Variants in SLCO5A1 observed in about 807,000 individuals in gnomAD.
The protein encoded by SLCO5A1 is solute carrier organic anion transporter family member 5A1, also known as organic anion transporter polypeptide-related protein 4.
SLCO5A1 carries 39 observed loss-of-function variants against 65.1 expected under a neutral mutation model. That is an observed-to-expected ratio of 0.60 (90% CI 0.46 to 0.78). SLCO5A1 has a LOEUF of 0.78. SLCO5A1 is among the 30% of genes least tolerant of loss of function. The pLI is 0.00. For missense variants in SLCO5A1, 1,029 were observed against 1,069.4 expected (o/e 0.96, Z 0.53); for synonymous variants, 438 against 415.7 (o/e 1.05, Z -0.65).
chr8:69,712,893 T>C (rs1280407639), intron 5 of SLCO5A1, among the ~76,000 whole-genome samples: 3 of 152,220 alleles, frequency 2.0e-5, no homozygotes, highest in East Asian at 1.9e-4. Context: ...TTTTCAATTA[T>C]TCCTGGAACT....
chr8:69,679,467 G>T lies in SLCO5A1; in HGVS notation c.1935C>A (p.Cys645Ter). 1 of 1,614,236 alleles carries T rather than the reference G, an allele frequency of 6.2e-7. No individual in the cohort carries two copies. The highest frequency in any genetic ancestry group is 8.5e-7 in the Non-Finnish European group (1 of 1,180,042). The change falls in exon 8 of 10, where the codon TGC (cysteine) becomes TGA (stop). Residue 645 changes from cysteine (C) to a stop codon, truncating the protein, a stop_gained. Coordinates refer to ENST00000260126, the MANE Select transcript of SLCO5A1 (RefSeq NM_030958.3). LOFTEE classifies it high-confidence loss of function. ...YAVSGKCKRT[C>*]NTLIPFLVFL... ...AAACTAAGAATGGGATAAGAGTATT[G>T]CAGGTCCGTTTACATTTCCCAGACA...
At position 69,784,862 on chromosome 8, in the gene SLCO5A1, AG is replaced by A. The variant is rs1491128757; in HGVS notation, c.908-22988del. Among the ~76,000 whole-genome samples the A allele has an allele frequency of 1.2e-3, 144 of 115,688 alleles. 1 individual carries two copies. Among genetic ancestry groups the A allele is most frequent in the African/African-American group, 5.0e-3 (136 of 27,062 alleles). 75.9% of individuals were successfully genotyped at this position (115,688 alleles called of 152,430 possible). On this transcript the variant is annotated intron_variant, in intron 2 of 9. Coordinates refer to ENST00000260126, the MANE Select transcript of SLCO5A1 (RefSeq NM_030958.3). ...AAGAAAGAAAGAAAGAAAGAAAGAAAGGGAAGGAAGGAGAAAGAAAGAAAGA... is the reference window on the plus strand; with the variant it reads ...AAGAAAGAAAGAAAGAAAGAAAGAAAGGAAGGAAGGAGAAAGAAAGAAAGA...
intron 2 of SLCO5A1, among the ~76,000 whole-genome samples, chr8:69,789,330 G>A (rs977260947): frequency 6.6e-6 from 1 of 152,200 alleles, no homozygotes; most frequent in Non-Finnish European, 1.5e-5. Flanking sequence ...CTGGATGTGT[G>A]ACAAAAATTA....
At chr8:69,826,228 T>A (rs1284779550) in intron 2 of SLCO5A1, among the ~76,000 whole-genome samples, 1 of 151,776 alleles carries the variant, frequency 6.6e-6, no homozygotes, top group Non-Finnish European at 1.5e-5. Flanking sequence ...GGGCAAGGAC[T>A]TCATGTCTAA....
chr8:69,739,631 C>G (rs1816712692), intron 4 of SLCO5A1, among the ~76,000 whole-genome samples: 1 of 152,114 alleles, frequency 6.6e-6, no homozygotes, highest in Non-Finnish European at 1.5e-5. Context: ...AAAGTTAAGA[C>G]TGCTCACTGT....
intron 2 of SLCO5A1, among the ~76,000 whole-genome samples, chr8:69,816,801 G>A (rs1820429818): frequency 6.6e-6 from 1 of 152,082 alleles, no homozygotes; most frequent in African/African-American, 2.4e-5. Context: ...CCACACACCT[G>A]AGAAAACAAT....
At chr8:69,731,576 A>T (rs1415214564) in intron 5 of SLCO5A1, among the ~76,000 whole-genome samples, 1 of 152,238 alleles carries the variant, frequency 6.6e-6, no homozygotes, top group Non-Finnish European at 1.5e-5. Flanking sequence ...AGAGAAGCTG[A>T]GTGTTCTGAC....
At chr8:69,714,682 G>A (rs2959558) in intron 5 of SLCO5A1, among the ~76,000 whole-genome samples, 27,480 of 152,156 alleles carry the variant, frequency 0.18, 2,557 homozygotes, top group South Asian at 0.2. Flanking sequence ...TAGCCTTGCT[G>A]AAATTTTTAG....
intron 5 of SLCO5A1, among the ~76,000 whole-genome samples, chr8:69,716,954 A>AT: frequency 6.6e-6 from 1 of 151,782 alleles, no homozygotes; most frequent in Admixed American, 6.6e-5. Context: ...TAATTTTTGT[A>AT]TTTTTTATGG....
chr8:69,689,780 C>T (rs1433227397), intron 6 of SLCO5A1, among the ~76,000 whole-genome samples: 2 of 151,042 alleles, frequency 1.3e-5, no homozygotes, highest in African/African-American at 2.5e-5. Context: ...TGTGATGCCT[C>T]CAGCTTTGTT....
chr8:69,791,210 G>A (rs141588201), intron 2 of SLCO5A1, among the ~76,000 whole-genome samples: 114 of 152,220 alleles, frequency 7.5e-4, no homozygotes, highest in African/African-American at 2.7e-3. Context: ...TTGGCTAGCT[G>A]AGCTCCCATC....
intron 5 of SLCO5A1, among the ~76,000 whole-genome samples, chr8:69,719,362 C>T (rs1386906992): frequency 1.3e-5 from 2 of 152,086 alleles, no homozygotes; most frequent in South Asian, 2.1e-4. Flanking sequence ...ATCTAATGGT[C>T]GGAGCATCTG....
intron 2 of SLCO5A1, among the ~76,000 whole-genome samples, chr8:69,784,754 C>T (rs940937438): frequency 7.2e-6 from 1 of 139,444 alleles, no homozygotes; most frequent in Non-Finnish European, 1.5e-5. Context: ...TGCCACTGCA[C>T]TTCAGCCTGG....
At chr8:69,780,654 A>T (rs368261976) in intron 2 of SLCO5A1, among the ~76,000 whole-genome samples, 98 of 152,306 alleles carry the variant, frequency 6.4e-4, no homozygotes, top group African/African-American at 2.3e-3. Context: ...TTGGAAGGGT[A>T]AGGGTGGATG....
Position 69,832,429 on chromosome 8 carries a change from C to A in SLCO5A1, c.245G>T (p.Ser82Ile), listed in dbSNP as rs762719175. The change falls in exon 2 of 10, where the codon AGT becomes ATT. Residue 82 changes from serine to isoleucine, a missense_variant. Transcript: ENST00000260126. This position sits in a 1 kb window ranked among gnomAD's most constrained non-coding sequence, Gnocchi z 4.5. Reference protein sequence around the residue: ...LKQGPNPLAPSPSAPSTSAGL... With the variant: ...LKQGPNPLAPIPSAPSTSAGL... The stretch of plus-strand genomic sequence containing the variant: ...CGCCGAAGTGGACGGGGCAGAGGGA[C>A]TGGGGGCCAACGGGTTCGGGCCTTG... The A allele has an allele frequency of 6.2e-7, 1 of 1,612,964 alleles. No individual in the cohort carries two copies.
intron 5 of SLCO5A1, among the ~76,000 whole-genome samples, chr8:69,736,481 T>A (rs1211474089): frequency 6.6e-6 from 1 of 152,200 alleles, no homozygotes; most frequent in Non-Finnish European, 1.5e-5. Context: ...AGAAGTGGGA[T>A]GATCTAGGCA....
intron 2 of SLCO5A1, among the ~76,000 whole-genome samples, chr8:69,767,484 C>T (rs1240417225): frequency 6.6e-6 from 1 of 152,164 alleles, no homozygotes; most frequent in East Asian, 1.9e-4. Flanking sequence ...GAGCCTGTTT[C>T]CTCATCTGTA....
chr8:69,767,443 T>C (rs1441843024), intron 2 of SLCO5A1, among the ~76,000 whole-genome samples: 1 of 152,218 alleles, frequency 6.6e-6, no homozygotes, highest in Non-Finnish European at 1.5e-5. Context: ...TCAACAATCT[T>C]AGGACCTTGA....
intron 2 of SLCO5A1, among the ~76,000 whole-genome samples, chr8:69,792,190 G>C (rs1586804898): frequency 6.6e-6 from 1 of 151,884 alleles, no homozygotes. Flanking sequence ...TTCAACATAA[G>C]AAAATCTCAA....
Sources: allele counts gnomAD v4.1 joint callset (sites outside exome capture counted in the v4.1 genomes callset), GRCh38; gene constraint gnomAD v4.1.1; non-coding constraint Gnocchi (gnomAD v3.1); transcripts MANE v1.5; gene names NCBI Gene and HGNC (gene_info 2026-07-23, HGNC 2026-07-21).